TF: variants seen among roughly 807,000 people sequenced by gnomAD.
TF encodes the protein serotransferrin.
Under a neutral mutation model 82.4 loss-of-function variants are expected in TF, and 55 were observed. That is an observed-to-expected ratio of 0.67 (90% confidence interval 0.54 to 0.84). The LOEUF (loss-of-function observed/expected upper bound fraction) is 0.84. TF is among the 40% of genes least tolerant of loss of function. The probability of loss-of-function intolerance (pLI) is 0.00; values close to 1 mark genes in which losing one functional copy is unlikely to be tolerated. For synonymous variants in TF, 332 were observed against 332.6 expected, an observed-to-expected ratio of 1.00 and a Z score of 0.02; for missense variants, 737 against 868.4, an observed-to-expected ratio of 0.85 and a Z score of 1.90.
rs1451782596 is a variant in TF at position 133,791,892 on chromosome 3, C to T, written c.*13272C>T. ...TTAATTAGCTTAATAATAATAAGAG[C>T]TTAAATCAAATATTTTATCAGAAAA... is the stretch of plus-strand genomic sequence containing the variant. On this transcript the variant is annotated 3_prime_UTR_variant, in exon 17 of 17. Coordinates refer to ENST00000402696, the MANE Select transcript of TF (RefSeq NM_001063.4). The T allele has an allele frequency of 6.6e-6, 1 of 152,122 alleles. No individual in the cohort carries two copies. Among genetic ancestry groups the T allele is most frequent in the Non-Finnish European group, 1.5e-5 (1 of 68,018 alleles). The allele number at this position is 152,122 out of a possible 1,614,324, so 9.4% of individuals were successfully genotyped here.
the TF span, among the ~76,000 whole-genome samples, chr3:133,671,464 G>C: frequency 4.6e-5 from 7 of 151,776 alleles, no homozygotes. Flanking sequence ...AAAAATCAGT[G>C]ACCTTAACTG....
chr3:133,758,019 G>A, intron 8 of TF, 73 bp downstream of exon 8: 1 of 1,472,448 alleles, frequency 6.8e-7, no homozygotes, highest in East Asian at 2.3e-5. Context: ...CAGAGATTGA[G>A]TCTTTTCAGG....
At position 133,789,879 on chromosome 3, in the gene TF, G is replaced by GTT. The variant is rs56267966; in HGVS notation, c.*11287_*11288dup. On this transcript the variant is annotated 3_prime_UTR_variant, in exon 17 of 17. Coordinates refer to ENST00000402696, the MANE Select transcript of TF (RefSeq NM_001063.4). ...GCCAAAACAAAACGATCTCGTTTGCGTTTTTTTTTTTTTTTTTTTTTTTTT... is the reference window on the plus strand; with the variant it reads ...GCCAAAACAAAACGATCTCGTTTGCGTTTTTTTTTTTTTTTTTTTTTTTTTTT... 294 of 88,952 alleles carry GTT rather than the reference G, an allele frequency of 3.3e-3. 49 individuals are homozygous for GTT. The highest frequency in any genetic ancestry group is 7.6e-3 in the African/African-American group (139 of 18,256). 5.5% of individuals were successfully genotyped at this position (88,952 alleles called of 1,614,324 possible).
In TF at chr3:133,788,889, T is replaced by C. The variant is rs990510624; in HGVS notation, c.*10269T>C. The C allele has an allele frequency of 1.3e-5, 2 of 152,304 alleles. No individual in the cohort carries two copies. The highest frequency in any genetic ancestry group is 1.3e-4 in the Admixed American group (2 of 15,302). 9.4% of individuals were successfully genotyped at this position (152,304 alleles called of 1,614,324 possible). A position where few individuals can be genotyped will look rare whatever the true frequency, so the allele number is the denominator to read the frequency against. ...CAAAAGAAGCCTACTCAGCTTCCAT[T>C]TCCTATCATTACAGTTCATGGCTAT... On this transcript the variant is annotated 3_prime_UTR_variant, in exon 17 of 17. Transcript: ENST00000402696.
the TF span, among the ~76,000 whole-genome samples, chr3:133,679,003 G>C: frequency 6.6e-6 from 1 of 152,086 alleles, no homozygotes; most frequent in South Asian, 2.1e-4. Context: ...CTCCTGAGTA[G>C]CTGGGATTAC....
At chr3:133,741,062 G>A (rs530235961), upstream of TF, among the ~76,000 whole-genome samples, 1 of 145,128 alleles carries the variant, frequency 6.9e-6, no homozygotes, top group South Asian at 2.2e-4. Flanking sequence ...CACAATCTCA[G>A]GTCACTGCAA....
chr3:133,683,228 G>A, the TF span, among the ~76,000 whole-genome samples: 399 of 152,194 alleles, frequency 2.6e-3, no homozygotes, highest in Middle Eastern at 6.8e-3. Flanking sequence ...AGGAAAAACC[G>A]GTACCAGCCA....
At chr3:133,745,748 A>T (rs1486863842), upstream of TF, among the ~76,000 whole-genome samples, 1 of 152,134 alleles carries the variant, frequency 6.6e-6, no homozygotes, top group Non-Finnish European at 1.5e-5. Flanking sequence ...CCCTAGTCTA[A>T]GGTGTCCCAC....
chr3:133,740,234 C>T, the TF span, among the ~76,000 whole-genome samples: 12 of 152,084 alleles, frequency 7.9e-5, no homozygotes, highest in Non-Finnish European at 1.6e-4. Context: ...AACACAGGAA[C>T]AGAAAACCAA....
At chr3:133,667,759 G>A in the TF span, among the ~76,000 whole-genome samples, 58 of 152,286 alleles carry the variant, frequency 3.8e-4, no homozygotes, top group African/African-American at 1.4e-3. Flanking sequence ...CCTTAAGGGA[G>A]GTGTCTAAGG....
chr3:133,716,783 G>C, the TF span, among the ~76,000 whole-genome samples: 7 of 152,266 alleles, frequency 4.6e-5, no homozygotes, highest in East Asian at 5.8e-4. Context: ...GATCTGTAAG[G>C]TTCTTTGTAA....
rs1345819639 is a variant in TF, at chr3:133,780,607, T to G, written c.*1987T>G. On this transcript the variant is annotated 3_prime_UTR_variant, in exon 17 of 17. Transcript: ENST00000402696. ...TTATTTTACAGTGTTTTAGAACAGG[T>G]GGCCAATCCAATTATACAAGAAAAA... is the stretch of plus-strand genomic sequence containing the variant. 3 of 152,202 alleles carry G rather than the reference T, an allele frequency of 2.0e-5. No homozygotes were observed. Among genetic ancestry groups the G allele is most frequent in the Non-Finnish European group, 4.4e-5 (3 of 68,030 alleles). The allele number at this position is 152,202 out of a possible 1,614,324, so 9.4% of individuals were successfully genotyped here. A position where few individuals can be genotyped will look rare whatever the true frequency, so the allele number is the denominator to read the frequency against.
chr3:133,725,219 G>A, the TF span, among the ~76,000 whole-genome samples: 4 of 152,044 alleles, frequency 2.6e-5, no homozygotes, highest in Non-Finnish European at 4.4e-5. Flanking sequence ...TGATGGGGAT[G>A]GCATTGAATC....
chr3:133,738,686 C>A, the TF span, among the ~76,000 whole-genome samples: 1 of 152,082 alleles, frequency 6.6e-6, no homozygotes, highest in Non-Finnish European at 1.5e-5. Context: ...AACAGAGCAC[C>A]AAATCATGAG....
chr3:133,755,824 G>A, intron 5 of TF: 1 of 470,258 alleles, frequency 2.1e-6, no homozygotes, highest in Admixed American at 3.4e-5. Flanking sequence ...CACTGTCCAG[G>A]GACTGGCCCT....
rs1934802575 is a variant in TF, at chr3:133,790,402, T to C, written c.*11782T>C. The C allele has an allele frequency of 1.3e-5, 2 of 152,208 alleles. No homozygotes were observed. The highest frequency in any genetic ancestry group is 2.4e-5 in the African/African-American group (1 of 41,454). The allele number at this position is 152,208 out of a possible 1,614,324, so 9.4% of individuals were successfully genotyped here. On this transcript the variant is annotated 3_prime_UTR_variant, in exon 17 of 17. Transcript: ENST00000402696. ...AAAACATGCCAGAAAGTTTGTGTTA[T>C]TAGTGAGAAAAAGAATAATTTAGAA...
intron 15 of TF, 134 bp downstream of exon 15, chr3:133,775,751 T>C (rs1934374785): frequency 1.1e-6 from 1 of 900,058 alleles, no homozygotes; most frequent in African/African-American, 1.6e-5. Flanking sequence ...ATTGTGCATT[T>C]CATGCCATGC....
chr3:133,693,333 G>A, the TF span, among the ~76,000 whole-genome samples: 4 of 151,550 alleles, frequency 2.6e-5, no homozygotes, highest in Non-Finnish European at 5.9e-5. Context: ...AAGGGTGACT[G>A]GGCTGGCACT....
intron 2 of TF, 114 bp downstream of exon 2, chr3:133,748,698 C>A (rs778314047): frequency 9.1e-6 from 12 of 1,312,442 alleles, no homozygotes; most frequent in Non-Finnish European, 1.3e-5. Context: ...GGGCAGTCAA[C>A]CTTGACTTAC....
Sources: gnomAD v4.1 joint callset for allele counts (sites outside exome capture counted in the v4.1 genomes callset) on GRCh38, gnomAD v4.1.1 for gene constraint, MANE v1.5 for transcripts, NCBI Gene and HGNC (gene_info 2026-07-23, HGNC 2026-07-21) for gene names.